The following IL1RAPL1 variants were observed in gnomAD, a reference collection of about 807,000 sequenced individuals.
The protein encoded by IL1RAPL1 is interleukin 1 receptor accessory protein like 1, also known as interleukin-1 receptor accessory protein-like 1.
A neutral mutation model predicts 48.4 loss-of-function variants in IL1RAPL1; 3 were observed. The ratio of observed to expected loss-of-function variants is 0.06; its 90% CI spans 0.03 to 0.16. The LOEUF is 0.16. Among genes scored for constraint, IL1RAPL1 ranks in the 10% least tolerant of loss-of-function variants. The probability of loss-of-function intolerance (pLI) is 1.00; values close to 1 mark genes in which losing one functional copy is unlikely to be tolerated. For missense variants in IL1RAPL1, 349 were observed against 530.6 expected, an observed-to-expected ratio of 0.66 and a Z score of 3.36; for synonymous variants, 185 against 187.7, an observed-to-expected ratio of 0.99 and a Z score of 0.12.
chrX:29,247,632 A>C (rs1223401012), intron 2 of IL1RAPL1, among the ~76,000 whole-genome samples: 1 of 110,538 alleles, frequency 9.0e-6, no homozygotes, highest in Non-Finnish European at 1.9e-5. Context: ...AATTACAAAA[A>C]TTAGCTGGGT....
At chrX:29,916,005 T>C (rs1601881622) in intron 6 of IL1RAPL1, among the ~76,000 whole-genome samples, 1 of 98,519 alleles carries the variant, frequency 1.0e-5, no homozygotes, top group Admixed American at 1.2e-4. Flanking sequence ...TGGTGTTTGG[T>C]TTTTTGTTCT....
intron 1 of IL1RAPL1, among the ~76,000 whole-genome samples, chrX:28,623,470 C>T (rs1410298792): frequency 5.4e-5 from 6 of 111,641 alleles, no homozygotes; most frequent in Admixed American, 9.6e-5. Flanking sequence ...TAGGGTGTCT[C>T]TTGCAGCAGG....
chrX:28,768,729 GTCTCTC>G lies in IL1RAPL1; in HGVS notation c.-24-20569_-24-20564del, dbSNP rs1203182036. ...TCTCTCTCTCTCTCTCTCTCTCTCT[GTCTCTC>G]TCTCTCTCTCTCTCTCTCTCTATAT... On this transcript the variant is annotated intron_variant, in intron 1 of 10. Coordinates refer to ENST00000378993, the MANE Select transcript of IL1RAPL1 (RefSeq NM_014271.4). Among the ~76,000 whole-genome samples, 201 of 50,701 alleles carry G rather than the reference GTCTCTC, an allele frequency of 4.0e-3. 2 individuals carry two copies. Among genetic ancestry groups the G allele is most frequent in the African/African-American group, 0.015 (187 of 12,848 alleles). The allele number at this position is 50,701 out of a possible 115,157, so 44.0% of individuals were successfully genotyped here.
intron 6 of IL1RAPL1, among the ~76,000 whole-genome samples, chrX:29,886,598 G>C (rs1016747917): frequency 8.9e-6 from 1 of 112,131 alleles, no homozygotes; most frequent in Non-Finnish European, 1.9e-5. Flanking sequence ...CGGAGTCACC[G>C]CTAATAACTT....
intron 6 of IL1RAPL1, among the ~76,000 whole-genome samples, chrX:29,905,515 T>G (rs1932591449): frequency 3.8e-5 from 1 of 26,125 alleles, no homozygotes; most frequent in African/African-American, 1.0e-3. Context: ...TTTAAGTCTT[T>G]CTTTAATCCG....
chrX:28,712,702 G>A (rs1935455184), intron 1 of IL1RAPL1, among the ~76,000 whole-genome samples: 1 of 110,817 alleles, frequency 9.0e-6, no homozygotes, highest in Non-Finnish European at 1.9e-5. Context: ...CTGACCCTTG[G>A]CTCTATTATG....
chrX:29,789,044 G>A (rs1384982138), intron 6 of IL1RAPL1, among the ~76,000 whole-genome samples: 1 of 111,856 alleles, frequency 8.9e-6, no homozygotes, highest in Non-Finnish European at 1.9e-5. Context: ...TGCATCATTT[G>A]TCTTACTACA....
chrX:29,432,345 C>G (rs1294018159), intron 5 of IL1RAPL1, among the ~76,000 whole-genome samples: 1 of 111,311 alleles, frequency 9.0e-6, no homozygotes, highest in Non-Finnish European at 1.9e-5. Context: ...GGGAGCTAGC[C>G]CTTTGAAATG....
intron 3 of IL1RAPL1, among the ~76,000 whole-genome samples, chrX:29,358,400 C>T (rs191753852): frequency 3.0e-3 from 332 of 110,149 alleles, no homozygotes; most frequent in Middle Eastern, 9.2e-3. Flanking sequence ...TCTCTCTCTA[C>T]GCACCCACCC....
At chrX:29,359,124 A>C (rs976224580) in intron 3 of IL1RAPL1, among the ~76,000 whole-genome samples, 82 of 112,075 alleles carry the variant, frequency 7.3e-4, no homozygotes, top group African/African-American at 2.6e-3. Flanking sequence ...TATATACTAC[A>C]ATAGGCTAGT....
rs774058008 is a variant in IL1RAPL1 at position 29,135,552 on chromosome X, G to A, written c.83-147386G>A. Among the ~76,000 whole-genome samples the A allele has an allele frequency of 2.7e-5, 3 of 111,502 alleles. No homozygotes were observed. In the East Asian group the frequency reaches 8.5e-4, roughly 31 times the overall value. Reference sequence around the variant, plus strand: ...TGTCAGGAATCTAATTAATGAAATAGCTAGATTAGAACCCTGGACCCCAGA... The same window carrying A: ...TGTCAGGAATCTAATTAATGAAATAACTAGATTAGAACCCTGGACCCCAGA... On this transcript the variant is annotated intron_variant, in intron 2 of 10. Transcript: ENST00000378993.
In IL1RAPL1 at chrX:29,356,418, T is replaced by C. The variant is rs182739709; in HGVS notation, c.363-39840T>C. Reference sequence around the variant, plus strand: ...TATGTAAATTATGTTATATATCATATACTGTTTTCTACATCTTTACTAAGC... The same window carrying C: ...TATGTAAATTATGTTATATATCATACACTGTTTTCTACATCTTTACTAAGC... On this transcript the variant is annotated intron_variant, in intron 3 of 10. Transcript: ENST00000378993. Among the ~76,000 whole-genome samples, 134 of 112,624 alleles carry C rather than the reference T, an allele frequency of 1.2e-3. 1 individual carries two copies. Among genetic ancestry groups the C allele is most frequent in the African/African-American group, 4.3e-3 (132 of 31,037 alleles).
intron 5 of IL1RAPL1, among the ~76,000 whole-genome samples, chrX:29,516,837 T>C (rs1316918982): frequency 9.0e-6 from 1 of 111,282 alleles, no homozygotes; most frequent in Non-Finnish European, 1.9e-5. Flanking sequence ...TATTTTAAAG[T>C]ATATTAGGTA....
chrX:28,784,610 G>T (rs1011999623), intron 1 of IL1RAPL1, among the ~76,000 whole-genome samples: 4 of 111,319 alleles, frequency 3.6e-5, no homozygotes, highest in Non-Finnish European at 7.5e-5. Context: ...TGCTTTGTAG[G>T]TGAGAAAACT....
intron 6 of IL1RAPL1, among the ~76,000 whole-genome samples, chrX:29,698,232 G>A (rs183126755): frequency 9.6e-6 from 1 of 104,111 alleles, no homozygotes; most frequent in East Asian, 3.0e-4. Context: ...GTGCAGTGGT[G>A]CGGTCTCGGC....
At chrX:29,741,468 T>C (rs1027396417) in intron 6 of IL1RAPL1, among the ~76,000 whole-genome samples, 17 of 111,460 alleles carry the variant, frequency 1.5e-4, no homozygotes, top group African/African-American at 4.6e-4. Context: ...GGTAGGTTTA[T>C]ATCAACAGAT....
chrX:29,872,811 G>T (rs765401959), intron 6 of IL1RAPL1, among the ~76,000 whole-genome samples: 2 of 112,289 alleles, frequency 1.8e-5, no homozygotes, highest in South Asian at 7.4e-4. Context: ...GCTCATCTCT[G>T]CTGGATGTTA....
At chrX:28,639,457 A>G (rs1934507975) in intron 1 of IL1RAPL1, among the ~76,000 whole-genome samples, 2 of 111,659 alleles carry the variant, frequency 1.8e-5, no homozygotes. Flanking sequence ...TGTAACCCCC[A>G]TACTCTATGC....
At chrX:29,096,020 CTTACA>C (rs1487824611) in intron 2 of IL1RAPL1, among the ~76,000 whole-genome samples, 1 of 111,722 alleles carries the variant, frequency 9.0e-6, no homozygotes, top group African/African-American at 3.2e-5. Flanking sequence ...CTCTAACTCT[CTTACA>C]TTAAAGAGTA....
Sources: allele counts gnomAD v4.1 joint callset (sites outside exome capture counted in the v4.1 genomes callset), GRCh38; gene constraint gnomAD v4.1.1; transcripts MANE v1.5; gene names NCBI Gene and HGNC (gene_info 2026-07-23, HGNC 2026-07-21).